SDCCAG8: variants seen among roughly 807,000 people sequenced by gnomAD.
SDCCAG8 encodes the protein SHH signaling and ciliogenesis regulator SDCCAG8, also known as serologically defined colon cancer antigen 8.
Under a neutral mutation model 101.8 loss-of-function variants are expected in SDCCAG8, and 74 were observed. The ratio of observed to expected loss-of-function variants is 0.73; its 90% confidence interval spans 0.60 to 0.88. The LOEUF is 0.88. Among genes scored for constraint, SDCCAG8 ranks in the 40% least tolerant of loss-of-function variants. The pLI is 0.00. For synonymous variants in SDCCAG8, 281 were observed against 292.9 expected (o/e 0.96, Z 0.41); for missense variants, 787 against 822.6 (o/e 0.96, Z 0.53).
intron 12 of SDCCAG8, among the ~76,000 whole-genome samples, chr1:243,363,198 T>G (rs768255813): frequency 4.6e-5 from 7 of 152,252 alleles, no homozygotes; most frequent in South Asian, 2.1e-4. Flanking sequence ...GTCTTCCATG[T>G]GATTTGTTCT....
At chr1:243,318,084 C>T (rs1344254940) in intron 9 of SDCCAG8, 8 of 456,274 alleles carry the variant, frequency 1.8e-5, no homozygotes, top group Admixed American at 7.1e-5. Context: ...TGGAATCAAC[C>T]GAAATTGACG....
chr1:243,260,176 C>T (rs61833907), intron 1 of SDCCAG8, among the ~76,000 whole-genome samples: 103 of 152,162 alleles, frequency 6.8e-4, no homozygotes, highest in Non-Finnish European at 5.6e-4. Context: ...GGCTTTGTTG[C>T]CCCCACAGAT....
chr1:243,378,907 C>T, intron 13 of SDCCAG8, 44 bp downstream of exon 13: 4 of 1,613,154 alleles, frequency 2.5e-6, no homozygotes, highest in Non-Finnish European at 3.4e-6. Flanking sequence ...GATTTCATTC[C>T]ACTGATTTTT....
chr1:243,437,661 C>T (rs12117986), intron 16 of SDCCAG8, among the ~76,000 whole-genome samples: 27,599 of 151,608 alleles, frequency 0.18, 2,730 homozygotes, highest in African/African-American at 0.24. Flanking sequence ...CTCAGCCTCC[C>T]GAGTAGCTGG....
At chr1:243,396,401 A>ATT (rs2079037809) in intron 13 of SDCCAG8, among the ~76,000 whole-genome samples, 1 of 152,200 alleles carries the variant, frequency 6.6e-6, no homozygotes, top group Non-Finnish European at 1.5e-5. Context: ...AAATGATGGA[A>ATT]TTTATAATAT....
chr1:243,369,400 A>C (rs2077165475), intron 12 of SDCCAG8, among the ~76,000 whole-genome samples: 1 of 152,156 alleles, frequency 6.6e-6, no homozygotes, highest in African/African-American at 2.4e-5. Flanking sequence ...CTCACTCTTC[A>C]TGCTCACTCC....
chr1:243,472,340 A>T (rs1661423906), intron 16 of SDCCAG8, among the ~76,000 whole-genome samples: 1 of 152,174 alleles, frequency 6.6e-6, no homozygotes, highest in Admixed American at 6.5e-5. Context: ...CATCAGCTTG[A>T]GTCCCTGAGA....
chr1:243,393,147 A>C (rs1219281750), intron 13 of SDCCAG8, among the ~76,000 whole-genome samples: 3 of 152,166 alleles, frequency 2.0e-5, no homozygotes, highest in African/African-American at 4.8e-5. Context: ...GAGAAATTAC[A>C]AACAACCCTG....
intron 7 of SDCCAG8, 138 bp from the exon 8 acceptor site, chr1:243,307,847 AAATT>A: frequency 6.7e-7 from 1 of 1,492,834 alleles, no homozygotes; most frequent in South Asian, 1.3e-5. Flanking sequence ...GTCGTGGTAA[AAATT>A]AATAAGGTAT....
At chr1:243,316,646 C>T (rs944314395) in intron 8 of SDCCAG8, 109 bp from the exon 9 acceptor site, 58 of 1,337,168 alleles carry the variant, frequency 4.3e-5, no homozygotes, top group East Asian at 9.6e-5. Flanking sequence ...TGTGCTCAGC[C>T]GGCCTACCCT....
At chr1:243,401,857 G>A (rs1359696240) in intron 13 of SDCCAG8, among the ~76,000 whole-genome samples, 1 of 152,096 alleles carries the variant, frequency 6.6e-6, no homozygotes, top group Non-Finnish European at 1.5e-5. Flanking sequence ...TAGGTGAGTG[G>A]CTGAATTAAA....
intron 16 of SDCCAG8, among the ~76,000 whole-genome samples, chr1:243,479,417 T>C (rs1663053621): frequency 6.6e-6 from 1 of 152,222 alleles, no homozygotes; most frequent in Non-Finnish European, 1.5e-5. Context: ...TCGGCCGTTA[T>C]GGTGCAAAAG....
At chr1:243,493,428 C>G (rs1350871510) in intron 17 of SDCCAG8, among the ~76,000 whole-genome samples, 2 of 152,176 alleles carry the variant, frequency 1.3e-5, no homozygotes, top group Non-Finnish European at 2.9e-5. Flanking sequence ...CAGAAATTAT[C>G]TGTCCACTTA....
chr1:243,332,738 AGGTCTGGAGGTGATTATTGTGGTCCG>A (rs2074709799), intron 10 of SDCCAG8, among the ~76,000 whole-genome samples: 5 of 151,028 alleles, frequency 3.3e-5, no homozygotes, highest in Admixed American at 6.6e-5. Flanking sequence ...TTCGCGGTCC[AGGTCTGGAGGTGATTATTGTGGTCCG>A]GGTCTGGAGG....
chr1:243,452,169 G>A (rs1558488735), intron 16 of SDCCAG8, among the ~76,000 whole-genome samples: 2 of 152,164 alleles, frequency 1.3e-5, no homozygotes, highest in East Asian at 1.9e-4. Context: ...GAATATAGTA[G>A]TGCTCTCTGG....
chr1:243,317,414 G>A (rs1467526173), intron 9 of SDCCAG8, among the ~76,000 whole-genome samples: 1 of 149,556 alleles, frequency 6.7e-6, no homozygotes, highest in Non-Finnish European at 1.5e-5. Context: ...TCTTCCTCCT[G>A]GGTTCAAGTG....
chr1:243,283,091 G>A (rs552945515), intron 4 of SDCCAG8, among the ~76,000 whole-genome samples: 154 of 152,052 alleles, frequency 1.0e-3, no homozygotes, highest in African/African-American at 3.3e-3. Context: ...CACATGATCC[G>A]CCTGCCTCGG....
chr1:243,498,828 G>C (rs1011344643), intron 17 of SDCCAG8, among the ~76,000 whole-genome samples: 1 of 152,192 alleles, frequency 6.6e-6, no homozygotes, highest in African/African-American at 2.4e-5. Flanking sequence ...TTGGAAGATG[G>C]TTCCTAACTA....
At chr1:243,351,095 C>T (rs772799583) in intron 12 of SDCCAG8, among the ~76,000 whole-genome samples, 1 of 152,194 alleles carries the variant, frequency 6.6e-6, no homozygotes, top group Non-Finnish European at 1.5e-5. Flanking sequence ...TCTCAAGAGC[C>T]AGACTTCAGA....
Sources: gnomAD v4.1 joint callset for allele counts (sites outside exome capture counted in the v4.1 genomes callset) on GRCh38, gnomAD v4.1.1 for gene constraint, MANE v1.5 for transcripts, NCBI Gene and HGNC (gene_info 2026-07-23, HGNC 2026-07-21) for gene names.